PDE6A: variants seen among roughly 807,000 people sequenced by gnomAD.
PDE6A encodes rod cGMP-specific 3',5'-cyclic phosphodiesterase subunit alpha.
A neutral mutation model predicts 106.3 loss-of-function variants in PDE6A; 84 were observed. That is an observed-to-expected ratio of 0.79 (90% CI 0.66 to 0.95). The LOEUF is 0.95. Among genes scored for constraint, PDE6A ranks in the 40% least tolerant of loss-of-function variants. The pLI, the probability that PDE6A is intolerant of heterozygous loss-of-function variation, is 0.00. For missense variants in PDE6A, 1,052 were observed against 1,084.9 expected (o/e 0.97, Z 0.43); for synonymous variants, 394 against 386.6 (o/e 1.02, Z -0.23).
chr5:149,860,725 A>G lies in PDE6A; in HGVS notation c.*170T>C. The G allele has an allele frequency of 1.8e-6, 1 of 560,974 alleles. No individual in the cohort carries two copies. The highest frequency in any genetic ancestry group is 3.2e-6 in the Non-Finnish European group (1 of 314,248). The allele number at this position is 560,974 out of a possible 1,614,324, so 34.7% of individuals were successfully genotyped here. The stretch of plus-strand genomic sequence containing the variant: ...ATGTGTGACCCAAGACAATTCTTCC[A>G]ATGTGGCCCAGGGAAGCCAAAAGAT... On this transcript the variant is annotated 3_prime_UTR_variant, in exon 22 of 22. Coordinates refer to ENST00000255266, the MANE Select transcript of PDE6A (RefSeq NM_000440.3).
At position 149,944,418 on chromosome 5, in the gene PDE6A, A is replaced by G. The variant is rs943681584; in HGVS notation, c.256T>C (p.Cys86Arg). The G allele has an allele frequency of 1.2e-6, 2 of 1,614,162 alleles. No individual in the cohort carries two copies. Among genetic ancestry groups the G allele is most frequent in the Admixed American group, 3.3e-5 (2 of 60,018 alleles). ...KCIFNVMKKL[C>R]FLLQADRMSL... ...ATGCGGTCTGCCTGCAGGAGGAAGC[A>G]CAGCTTCTTCATGACATTGAAGATG... is the stretch of plus-strand genomic sequence containing the variant. The change falls in exon 1 of 22, where the codon TGC (cysteine) becomes CGC (arginine). Residue 86 changes from cysteine to arginine, a missense_variant. Transcript: ENST00000255266.
chr5:149,934,037 T>A lies in PDE6A; in HGVS notation c.628-18A>T, dbSNP rs376497334. On this transcript the variant is annotated intron_variant, in intron 2 of 21. Coordinates refer to ENST00000255266, the MANE Select transcript of PDE6A (RefSeq NM_000440.3). Reference sequence around the variant, plus strand: ...AGAAGAATCTAAAAATCAAACAGCATGAGGGGAGGCAGGTGAGAAGAAGAA... The same window carrying A: ...AGAAGAATCTAAAAATCAAACAGCAAGAGGGGAGGCAGGTGAGAAGAAGAA... 5 of 1,395,144 alleles carry A rather than the reference T, an allele frequency of 3.6e-6. No individual in the cohort carries two copies. The highest frequency in any genetic ancestry group is 5.1e-6 in the Non-Finnish European group (5 of 981,638). 86.4% of individuals were successfully genotyped at this position (1,395,144 alleles called of 1,614,324 possible).
rs551386588 is a variant in PDE6A at position 149,891,341 on chromosome 5, G to A, written c.1728+3842C>T. 9.9e-5 allele frequency among the ~76,000 whole-genome samples: 15 copies of A among 152,224 alleles called. No individual in the cohort carries two copies. In the East Asian group the frequency reaches 2.5e-3, roughly 26 times the overall value. ...AAAAATTAGCCAGGGGTGGTGACGC[G>A]TGCCTGTAATCCCAGCTACTGGGGA... is the stretch of plus-strand genomic sequence containing the variant. On this transcript the variant is annotated intron_variant, in intron 13 of 21. Coordinates refer to ENST00000255266, the MANE Select transcript of PDE6A (RefSeq NM_000440.3).
intron 17 of PDE6A, among the ~76,000 whole-genome samples, chr5:149,879,435 G>A (rs112921619): frequency 0.14 from 21,068 of 149,168 alleles, 1,517 homozygotes; most frequent in South Asian, 0.26. Context: ...TTTTATTATT[G>A]TTATTATACT....
intron 13 of PDE6A, among the ~76,000 whole-genome samples, chr5:149,889,587 C>T (rs760052485): frequency 2.0e-5 from 3 of 152,042 alleles, no homozygotes; most frequent in African/African-American, 4.8e-5. Flanking sequence ...GGACTACTGG[C>T]GCATGCCACC....
chr5:149,932,304 A>C lies in PDE6A; in HGVS notation c.718-1136T>G. On this transcript the variant is annotated intron_variant, in intron 3 of 21. Coordinates refer to ENST00000255266, the MANE Select transcript of PDE6A (RefSeq NM_000440.3). ...AGACCGCTCTCTTTTTAGTCGGCCA[A>C]CTGCACGGATTTCTTCATTTTGAGG... 4 of 1,439,924 alleles carry C rather than the reference A, an allele frequency of 2.8e-6. No homozygotes were observed. The South Asian group carries it at 3.4e-5, about 12-fold the overall frequency. The allele number at this position is 1,439,924 out of a possible 1,614,324, so 89.2% of individuals were successfully genotyped here. A position where few individuals can be genotyped will look rare whatever the true frequency, so the allele number is the denominator to read the frequency against.
At position 149,925,460 on chromosome 5, in the gene PDE6A, A is replaced by C. The variant is rs1175472979; in HGVS notation, c.859-3751T>G. On this transcript the variant is annotated intron_variant, in intron 4 of 21. Transcript: ENST00000255266. ...AGTGGCTCACGCCTGTAATACCAGC[A>C]CTTTGGGAGGCCAAGACAGGCAGAC... 2.6e-5 allele frequency among the ~76,000 whole-genome samples: 4 copies of C among 152,190 alleles called. No individual in the cohort carries two copies. The East Asian group carries it at 7.7e-4, about 29-fold the overall frequency.
intron 17 of PDE6A, among the ~76,000 whole-genome samples, chr5:149,879,376 G>A (rs1192668566): frequency 3.3e-5 from 5 of 151,506 alleles, no homozygotes; most frequent in African/African-American, 9.7e-5. Flanking sequence ...CCAGCCTCAT[G>A]TCACATTTTG....
chr5:149,887,416 C>T (rs1352033324), intron 13 of PDE6A, among the ~76,000 whole-genome samples: 1 of 152,092 alleles, frequency 6.6e-6, no homozygotes, highest in Non-Finnish European at 1.5e-5. Context: ...CACATGGCAG[C>T]ACTTTGGGAG....
At chr5:149,916,386 C>G (rs1389388999) in intron 5 of PDE6A, among the ~76,000 whole-genome samples, 1 of 152,126 alleles carries the variant, frequency 6.6e-6, no homozygotes, top group African/African-American at 2.4e-5. Context: ...AAATCACAGC[C>G]AACCAGCCAT....
Position 149,938,507 on chromosome 5 carries a change from G to T in PDE6A, c.475-3789C>A, listed in dbSNP as rs1449939811. On this transcript the variant is annotated intron_variant, in intron 1 of 21. Transcript: ENST00000255266. ...AGTATGCACTCTGTCCAAGACACTG[G>T]GCTAGGTGCCAGGGGCCAGTGGTGA... Among the ~76,000 whole-genome samples, 3 of 152,266 alleles carry T rather than the reference G, an allele frequency of 2.0e-5. No homozygotes were observed. In the East Asian group the frequency reaches 5.8e-4, roughly 29 times the overall value.
rs1303450817 is a variant in PDE6A, at chr5:149,944,513, C to T, written c.161G>A (p.Ser54Asn). The change falls in exon 1 of 22, where the codon AGC (serine) becomes AAC (asparagine). Residue 54 changes from serine (S) to asparagine (N), a missense_variant. Coordinates refer to ENST00000255266, the MANE Select transcript of PDE6A (RefSeq NM_000440.3). ...VDFSNYHSPSSMEESEIIFDL... is the reference protein window; with the variant it reads ...VDFSNYHSPSNMEESEIIFDL... ...AAAGATGATTTCGCTCTCCTCCATG[C>T]TGCTCGGGGAGTGGTAGTTGCTGAA... The T allele has an allele frequency of 4.3e-6, 7 of 1,614,160 alleles. No homozygotes were observed. Among genetic ancestry groups the T allele is most frequent in the Non-Finnish European group, 5.9e-6 (7 of 1,180,022 alleles).
At chr5:149,891,189 G>T (rs1204697442) in intron 13 of PDE6A, among the ~76,000 whole-genome samples, 3 of 152,176 alleles carry the variant, frequency 2.0e-5, no homozygotes, top group East Asian at 1.9e-4. Context: ...GCTAAAATGG[G>T]CTGGGTGCGG....
intron 17 of PDE6A, among the ~76,000 whole-genome samples, chr5:149,875,950 G>A (rs903647887): frequency 2.4e-4 from 37 of 152,054 alleles, no homozygotes; most frequent in African/African-American, 7.5e-4. Context: ...AATATTGTGT[G>A]TATATACGTG....
In PDE6A at chr5:149,915,806, C is replaced by T. The variant is rs534695750; in HGVS notation, c.934-799G>A. Among the ~76,000 whole-genome samples, 13 of 152,342 alleles carry T rather than the reference C, an allele frequency of 8.5e-5. No homozygotes were observed. In the South Asian group the frequency reaches 2.7e-3, roughly 32 times the overall value. On this transcript the variant is annotated intron_variant, in intron 5 of 21. Coordinates refer to ENST00000255266, the MANE Select transcript of PDE6A (RefSeq NM_000440.3). ...AATTCTTTGCATGCCTGGCTGCTTA[C>T]GCTACCTGCTGTGACTTGAAACCAG... is the stretch of plus-strand genomic sequence containing the variant.
At chr5:149,907,744 T>A (rs1753246803) in intron 6 of PDE6A, among the ~76,000 whole-genome samples, 1 of 152,212 alleles carries the variant, frequency 6.6e-6, no homozygotes. Flanking sequence ...TATGGAGAAT[T>A]CCTACCATGT....
intron 8 of PDE6A, among the ~76,000 whole-genome samples, chr5:149,902,700 T>C (rs1156678535): frequency 6.6e-6 from 1 of 151,490 alleles, no homozygotes; most frequent in East Asian, 1.9e-4. Flanking sequence ...CGGGCGCCTG[T>C]AGTTCCAGCT....
At chr5:149,940,304 G>C (rs186692642) in intron 1 of PDE6A, among the ~76,000 whole-genome samples, 35 of 152,270 alleles carry the variant, frequency 2.3e-4, no homozygotes, top group African/African-American at 7.9e-4. Context: ...GAGTTGAAGG[G>C]AGAATAGACT....
chr5:149,875,268 G>A (rs758885160), intron 17 of PDE6A, among the ~76,000 whole-genome samples: 2 of 152,088 alleles, frequency 1.3e-5, no homozygotes, highest in Non-Finnish European at 2.9e-5. Flanking sequence ...CCCTCAAGGC[G>A]CAGAACAGCT....
Sources: gnomAD v4.1 joint callset for allele counts (sites outside exome capture counted in the v4.1 genomes callset) on GRCh38, gnomAD v4.1.1 for gene constraint, MANE v1.5 for transcripts, NCBI Gene and HGNC (gene_info 2026-07-23, HGNC 2026-07-21) for gene names.